LRRC8C: variants seen among roughly 807,000 people sequenced by gnomAD.
LRRC8C encodes volume-regulated anion channel subunit LRRC8C.
A neutral mutation model predicts 55.3 loss-of-function variants in LRRC8C; 20 were observed. That is an observed-to-expected ratio of 0.36 (90% CI 0.25 to 0.53). The LOEUF (loss-of-function observed/expected upper bound fraction) is 0.53. Ranked by LOEUF, LRRC8C falls within the 20% of genes least tolerant of loss-of-function variation. The pLI is 0.92. For synonymous variants in LRRC8C, 376 were observed against 360.7 expected (o/e 1.04, Z -0.48); for missense variants, 659 against 951.4 (o/e 0.69, Z 4.04).
At chr1:89,677,504 T>C (rs1657584183) in intron 1 of LRRC8C, among the ~76,000 whole-genome samples, 2 of 152,248 alleles carry the variant, frequency 1.3e-5, no homozygotes, top group Admixed American at 1.3e-4. Flanking sequence ...TTAAACTCTT[T>C]GTTTCTTAGC....
intron 1 of LRRC8C, among the ~76,000 whole-genome samples, chr1:89,654,874 CTTT>C (rs3068067): frequency 1.5e-5 from 2 of 129,332 alleles, no homozygotes; most frequent in African/African-American, 2.9e-5. Context: ...TTTAGTAAGC[CTTT>C]TTTTTTTTTT....
intron 2 of LRRC8C, among the ~76,000 whole-genome samples, chr1:89,688,414 GT>G (rs147906297): frequency 0.014 from 2,159 of 152,318 alleles, 53 homozygotes; most frequent in African/African-American, 0.05. Flanking sequence ...TAGTAAATAT[GT>G]TAGAAGATAA....
At chr1:89,706,033 C>T (rs536596087) in intron 2 of LRRC8C, among the ~76,000 whole-genome samples, 5 of 152,118 alleles carry the variant, frequency 3.3e-5, no homozygotes, top group Non-Finnish European at 7.4e-5. Context: ...CCTGTATCTA[C>T]GTAATCTGAT....
Position 89,714,893 on chromosome 1 carries a change from C to T in LRRC8C, c.2323C>T (p.Arg775Trp), listed in dbSNP as rs147917578. ...EILPPELGDC[R>W]ALKRAGLVVE... The stretch of plus-strand genomic sequence containing the variant: ...CCTCCCTCCTGAACTGGGTGACTGT[C>T]GGGCTCTGAAGCGAGCTGGTTTAGT... Residue 775 changes from arginine to tryptophan, a missense_variant, in exon 3 of 3, where the codon CGG becomes TGG. Transcript: ENST00000370454. This position sits in a 1 kb window ranked among gnomAD's most constrained non-coding sequence, Gnocchi z 4.6. The T allele has an allele frequency of 2.4e-5, 39 of 1,614,080 alleles. No homozygotes were observed. The highest frequency in any genetic ancestry group is 2.7e-5 in the African/African-American group (2 of 75,032).
At chr1:89,631,110 G>A (rs558344015), upstream of LRRC8C, among the ~76,000 whole-genome samples, 1 of 152,328 alleles carries the variant, frequency 6.6e-6, no homozygotes, top group South Asian at 2.1e-4. Context: ...TCAGTGAAGA[G>A]TAGTTAAGTA....
intron 2 of LRRC8C, among the ~76,000 whole-genome samples, chr1:89,697,299 G>A (rs1167256816): frequency 6.6e-6 from 1 of 152,158 alleles, no homozygotes; most frequent in East Asian, 1.9e-4. Flanking sequence ...AGTTTTATTT[G>A]CATGCTTCCC....
chr1:89,669,374 C>T (rs1000924134), intron 1 of LRRC8C, among the ~76,000 whole-genome samples: 1 of 152,036 alleles, frequency 6.6e-6, no homozygotes, highest in Non-Finnish European at 1.5e-5. Flanking sequence ...CAACATTGTA[C>T]CTATAGTTAC....
At chr1:89,653,632 GAA>G (rs1427269504) in intron 1 of LRRC8C, among the ~76,000 whole-genome samples, 1 of 152,306 alleles carries the variant, frequency 6.6e-6, no homozygotes, top group East Asian at 1.9e-4. Flanking sequence ...GGTTATAGCA[GAA>G]AAGGTAGGGA....
At chr1:89,664,378 A>G (rs1346787476) in intron 1 of LRRC8C, among the ~76,000 whole-genome samples, 1 of 152,146 alleles carries the variant, frequency 6.6e-6, no homozygotes, top group African/African-American at 2.4e-5. Context: ...AGTTTTCCCA[A>G]CATCATTTAC....
At chr1:89,677,768 C>A (rs1657590353) in intron 1 of LRRC8C, among the ~76,000 whole-genome samples, 1 of 152,162 alleles carries the variant, frequency 6.6e-6, no homozygotes, top group African/African-American at 2.4e-5. Context: ...AAATACATTT[C>A]TACAGAACCA....
chr1:89,662,993 T>A (rs181365468), intron 1 of LRRC8C, among the ~76,000 whole-genome samples: 37 of 152,188 alleles, frequency 2.4e-4, no homozygotes, highest in Middle Eastern at 3.4e-3. Context: ...CCCTGACAGG[T>A]CCCAGTGTGT....
chr1:89,694,924 C>CTTTTT (rs113354519), intron 2 of LRRC8C, among the ~76,000 whole-genome samples: 2 of 128,288 alleles, frequency 1.6e-5, no homozygotes, highest in Admixed American at 7.8e-5. Context: ...AGTATAAAGA[C>CTTTTT]TTTTTTTTTT....
At chr1:89,663,002 G>A (rs928906176) in intron 1 of LRRC8C, among the ~76,000 whole-genome samples, 2 of 152,086 alleles carry the variant, frequency 1.3e-5, no homozygotes, top group Non-Finnish European at 2.9e-5. Context: ...GTCCCAGTGT[G>A]TGATGTTCCC....
At position 89,712,835 on chromosome 1, in the gene LRRC8C, G is replaced by T. The variant is rs1294117624; in HGVS notation, c.265G>T (p.Ala89Ser). Residue 89 changes from alanine to serine, a missense_variant, in exon 3 of 3, where the codon GCT (alanine) becomes TCT (serine). Physicochemically the swap from Ala to Ser is moderately conservative, Grantham distance 99. Coordinates refer to ENST00000370454, the MANE Select transcript of LRRC8C (RefSeq NM_032270.5). The part of the protein sequence containing the change: ...TPLPPPKPSP[A>S]NPITVEMKGL... ...ACTGCCTCCACCTAAACCATCTCCT[G>T]CTAACCCCATCACTGTGGAAATGAA... 6.2e-7 allele frequency: 1 copy of T among 1,614,144 alleles called. No individual in the cohort carries two copies. The highest frequency in any genetic ancestry group is 1.1e-5 in the South Asian group (1 of 91,078).
chr1:89,712,567 C>A, intron 2 of LRRC8C, 142 bp from the exon 3 acceptor site: 1 of 632,058 alleles, frequency 1.6e-6, no homozygotes, highest in Admixed American at 2.9e-5. Flanking sequence ...AGAATAAAAT[C>A]TTGATGCTGG....
chr1:89,700,391 T>G (rs185715864), intron 2 of LRRC8C, among the ~76,000 whole-genome samples: 86 of 152,348 alleles, frequency 5.6e-4, no homozygotes, highest in African/African-American at 1.8e-3. Context: ...GCAAGTGCTT[T>G]TAGAACAGCA....
chr1:89,630,640 T>C (rs1280171300), upstream of LRRC8C, among the ~76,000 whole-genome samples: 2 of 152,244 alleles, frequency 1.3e-5, no homozygotes, highest in African/African-American at 4.8e-5. Flanking sequence ...CAAGCACATT[T>C]GCTTCAAAAT....
intron 2 of LRRC8C, among the ~76,000 whole-genome samples, chr1:89,709,232 GAC>G (rs1271874440): frequency 1.3e-5 from 2 of 152,232 alleles, no homozygotes; most frequent in African/African-American, 2.4e-5. Context: ...GGAAAGAAAA[GAC>G]AGGTTTAAAT....
chr1:89,664,205 AAGTCTTT>A (rs1277554660), intron 1 of LRRC8C, among the ~76,000 whole-genome samples: 1 of 152,116 alleles, frequency 6.6e-6, no homozygotes, highest in African/African-American at 2.4e-5. Context: ...TTTAGTCATG[AAGTCTTT>A]GCCCATGCCT....
Sources: allele counts gnomAD v4.1 joint callset (sites outside exome capture counted in the v4.1 genomes callset), GRCh38; gene constraint gnomAD v4.1.1; non-coding constraint Gnocchi (gnomAD v3.1); transcripts MANE v1.5; gene names NCBI Gene and HGNC (gene_info 2026-07-23, HGNC 2026-07-21).